Variants in KGD4 observed in about 807,000 individuals in gnomAD.
The protein encoded by KGD4 is alpha-ketoglutarate dehydrogenase component 4.
chr5:69,222,595 G>A, the KGD4 span, among the ~76,000 whole-genome samples: 1 of 152,132 alleles, frequency 6.6e-6, no homozygotes, highest in Non-Finnish European at 1.5e-5. Context: ...AAGTTGTAGA[G>A]AGGGAGTCTC....
the KGD4 span, chr5:69,218,072 A>G: frequency 6.4e-6 from 5 of 777,246 alleles, no homozygotes; most frequent in Middle Eastern, 3.0e-4. Context: ...TCCGGCGCCG[A>G]GGGTTCGAGC....
the KGD4 span, among the ~76,000 whole-genome samples, chr5:69,228,599 T>C: frequency 1.3e-5 from 2 of 152,166 alleles, no homozygotes; most frequent in Admixed American, 6.6e-5. Flanking sequence ...TCAATAGATA[T>C]AATCACATAA....
the KGD4 span, among the ~76,000 whole-genome samples, chr5:69,220,466 G>A: frequency 6.6e-6 from 1 of 152,088 alleles, no homozygotes; most frequent in Non-Finnish European, 1.5e-5. Context: ...ATTAGCCTAG[G>A]CAACATAGCA....
At chr5:69,229,369 T>G in the KGD4 span, 2 of 618,100 alleles carry the variant, frequency 3.2e-6, no homozygotes, top group African/African-American at 3.8e-5. Context: ...AGATGGACAC[T>G]TGTATTTCCT....
chr5:69,219,335 A>AG, the KGD4 span, among the ~76,000 whole-genome samples: 8 of 152,172 alleles, frequency 5.3e-5, no homozygotes, highest in Non-Finnish European at 1.2e-4. Context: ...AAATGTTCAC[A>AG]GAAAAAAAAG....
the KGD4 span, among the ~76,000 whole-genome samples, chr5:69,228,940 G>A: frequency 5.3e-5 from 8 of 149,862 alleles, no homozygotes; most frequent in African/African-American, 2.0e-4. Context: ...TCTTGAACCC[G>A]GGAGGCGGAG....
At chr5:69,218,135 G>A in the KGD4 span, 1 of 535,442 alleles carries the variant, frequency 1.9e-6, no homozygotes. Context: ...CTACTGCCGG[G>A]ATCCCCCGCT....
At chr5:69,225,821 C>T in the KGD4 span, among the ~76,000 whole-genome samples, 1 of 152,100 alleles carries the variant, frequency 6.6e-6, no homozygotes, top group Non-Finnish European at 1.5e-5. Context: ...CCTCGTGATC[C>T]GTCCGCCTCG....
At chr5:69,218,325 C>G in the KGD4 span, among the ~76,000 whole-genome samples, 1 of 152,238 alleles carries the variant, frequency 6.6e-6, no homozygotes, top group Non-Finnish European at 1.5e-5. Context: ...TTCAAGGTCT[C>G]GGGAATGGTC....
chr5:69,228,883 T>C, the KGD4 span, among the ~76,000 whole-genome samples: 90,919 of 151,398 alleles, frequency 0.6, 27,789 homozygotes, highest in African/African-American at 0.71. Flanking sequence ...GGTGTGGTGG[T>C]GGGTACCTGT....
At chr5:69,228,443 T>G in the KGD4 span, 1 of 1,504,430 alleles carries the variant, frequency 6.6e-7, no homozygotes, top group Non-Finnish European at 9.0e-7. Context: ...ATTTGGGCTT[T>G]GGGGATTTCA....
chr5:69,219,675 C>T, the KGD4 span, among the ~76,000 whole-genome samples: 3 of 151,820 alleles, frequency 2.0e-5, no homozygotes, highest in South Asian at 4.2e-4. Flanking sequence ...AAATCAGGTT[C>T]GTGATTGCGC....
the KGD4 span, among the ~76,000 whole-genome samples, chr5:69,221,157 C>T: frequency 2.0e-5 from 3 of 150,622 alleles, no homozygotes; most frequent in African/African-American, 4.9e-5. Flanking sequence ...TCCCCCTCTC[C>T]GAGAAACACC....
At chr5:69,223,147 C>T in the KGD4 span, among the ~76,000 whole-genome samples, 67 of 137,066 alleles carry the variant, frequency 4.9e-4, no homozygotes, top group African/African-American at 1.8e-3. Context: ...GGCACAATCT[C>T]GGCTCACTGC....
chr5:69,222,853 C>T, the KGD4 span, among the ~76,000 whole-genome samples: 1 of 150,380 alleles, frequency 6.6e-6, no homozygotes, highest in Non-Finnish European at 1.5e-5. Context: ...GTGGCTCGAT[C>T]TCGGACTTCC....
chr5:69,228,432 C>T, the KGD4 span: 6 of 1,529,446 alleles, frequency 3.9e-6, no homozygotes, highest in Non-Finnish European at 4.4e-6. Context: ...AACACCATAA[C>T]ATTTGGGCTT....
chr5:69,227,674 G>GAT, the KGD4 span, among the ~76,000 whole-genome samples: 1 of 152,172 alleles, frequency 6.6e-6, no homozygotes, highest in African/African-American at 2.4e-5. Flanking sequence ...CTTATTGTAA[G>GAT]ATATTACCTG....
the KGD4 span, among the ~76,000 whole-genome samples, chr5:69,223,304 C>CTCCTT: frequency 3.4e-5 from 5 of 148,442 alleles, no homozygotes; most frequent in African/African-American, 1.2e-4. Flanking sequence ...TGGTCTCGAT[C>CTCCTT]TCCTGACCTC....
At chr5:69,226,317 T>C in the KGD4 span, 2 of 1,530,744 alleles carry the variant, frequency 1.3e-6, no homozygotes, top group Admixed American at 3.6e-5. Flanking sequence ...TTGTTTTTCA[T>C]GCATATTACT....
Sources: allele counts gnomAD v4.1 joint callset (sites outside exome capture counted in the v4.1 genomes callset), GRCh38; gene constraint gnomAD v4.1.1; transcripts MANE v1.5; gene names NCBI Gene and HGNC (gene_info 2026-07-23, HGNC 2026-07-21).